The following COX7B2 variants were observed in gnomAD, a reference collection of about 807,000 sequenced individuals.
The protein encoded by COX7B2 is cytochrome c oxidase subunit 7B2, mitochondrial.
For synonymous variants in COX7B2, 37 were observed against 32.1 expected, an observed-to-expected ratio of 1.15 and a Z score of -0.51; for missense variants, 109 against 95.9, an observed-to-expected ratio of 1.14 and a Z score of -0.57.
At chr4:46,908,844 A>AT (rs1720567994) in intron 1 of COX7B2, among the ~76,000 whole-genome samples, 1 of 151,892 alleles carries the variant, frequency 6.6e-6, no homozygotes, top group South Asian at 2.1e-4. Flanking sequence ...GATCGAGACC[A>AT]TCCTGGCTAA....
At chr4:46,815,117 T>G (rs1719482965) in intron 2 of COX7B2, among the ~76,000 whole-genome samples, 1 of 143,804 alleles carries the variant, frequency 7.0e-6, no homozygotes, top group Non-Finnish European at 1.5e-5. Flanking sequence ...GCCCGGGAGG[T>G]GGAGGTTGCA....
intron 1 of COX7B2, among the ~76,000 whole-genome samples, chr4:46,881,572 G>A (rs1718744282): frequency 6.6e-6 from 1 of 151,882 alleles, no homozygotes; most frequent in South Asian, 2.1e-4. Context: ...AGACCAGCCT[G>A]GCCAACATGG....
intron 1 of COX7B2, among the ~76,000 whole-genome samples, chr4:46,886,927 G>C (rs974834019): frequency 6.6e-6 from 1 of 152,224 alleles, no homozygotes; most frequent in African/African-American, 2.4e-5. Context: ...CTACTGGACA[G>C]ACTGTTAATT....
intron 1 of COX7B2, among the ~76,000 whole-genome samples, chr4:46,882,260 G>C (rs1240996588): frequency 6.6e-6 from 1 of 152,174 alleles, no homozygotes; most frequent in Non-Finnish European, 1.5e-5. Context: ...CGAGAAGAAT[G>C]TGTATTCTGT....
chr4:46,863,354 A>G (rs1449491364), intron 1 of COX7B2, among the ~76,000 whole-genome samples: 1 of 152,188 alleles, frequency 6.6e-6, no homozygotes, highest in Admixed American at 6.5e-5. Flanking sequence ...ATAGTACAGG[A>G]CAAGTCGGAA....
At chr4:46,735,826 A>C (rs2109384394) in intron 2 of COX7B2, among the ~76,000 whole-genome samples, 1 of 152,220 alleles carries the variant, frequency 6.6e-6, no homozygotes, top group South Asian at 2.1e-4. Flanking sequence ...TTTTTTCATA[A>C]CACTTAACAT....
chr4:46,839,393 C>T (rs1022835029), intron 2 of COX7B2, among the ~76,000 whole-genome samples: 2 of 152,006 alleles, frequency 1.3e-5, no homozygotes, highest in African/African-American at 4.8e-5. Flanking sequence ...CCCAGCCCCT[C>T]CTTCTCCACA....
chr4:46,889,176 A>T (rs751265835), intron 1 of COX7B2, among the ~76,000 whole-genome samples: 1 of 152,224 alleles, frequency 6.6e-6, no homozygotes, highest in African/African-American at 2.4e-5. Context: ...AGAAAAATCC[A>T]TTTGATAGAA....
intron 2 of COX7B2, among the ~76,000 whole-genome samples, chr4:46,759,957 A>G (rs897221052): frequency 2.0e-5 from 3 of 151,536 alleles, no homozygotes; most frequent in Non-Finnish European, 4.4e-5. Context: ...GTCTTATATA[A>G]GTTATATACG....
intron 2 of COX7B2, among the ~76,000 whole-genome samples, chr4:46,778,312 G>A (rs930047083): frequency 6.6e-6 from 1 of 152,032 alleles, no homozygotes; most frequent in Non-Finnish European, 1.5e-5. Flanking sequence ...TATTACACAA[G>A]TGTCTCCTAT....
intron 2 of COX7B2, among the ~76,000 whole-genome samples, chr4:46,810,221 T>C (rs1016615945): frequency 1.3e-5 from 2 of 152,008 alleles, no homozygotes; most frequent in Non-Finnish European, 2.9e-5. Context: ...TGGATCAAAT[T>C]ATCCAATCAA....
At chr4:46,802,790 C>G (rs1028776075) in intron 2 of COX7B2, among the ~76,000 whole-genome samples, 10 of 152,230 alleles carry the variant, frequency 6.6e-5, no homozygotes, top group African/African-American at 2.4e-4. Flanking sequence ...GAATGTGGAA[C>G]TTGCTTAAAT....
At chr4:46,795,895 C>T (rs1471220020) in intron 2 of COX7B2, among the ~76,000 whole-genome samples, 95 of 24,996 alleles carry the variant, frequency 3.8e-3, no homozygotes, top group Admixed American at 7.3e-3. Flanking sequence ...GTTTGTAGTT[C>T]TCCTTGAAGA....
chr4:46,836,702 T>C (rs1195747555), intron 2 of COX7B2, among the ~76,000 whole-genome samples: 1 of 152,146 alleles, frequency 6.6e-6, no homozygotes, highest in Admixed American at 6.6e-5. Flanking sequence ...GAACTGTATA[T>C]AATGGTATGT....
At chr4:46,791,295 C>T (rs1718035312) in intron 2 of COX7B2, among the ~76,000 whole-genome samples, 1 of 152,052 alleles carries the variant, frequency 6.6e-6, no homozygotes, top group Non-Finnish European at 1.5e-5. Context: ...AGGCGTGAGC[C>T]ACCGTGCCCA....
chr4:46,847,996 G>T (rs1202939515), intron 1 of COX7B2, among the ~76,000 whole-genome samples: 2 of 151,930 alleles, frequency 1.3e-5, no homozygotes, highest in African/African-American at 4.8e-5. Context: ...TGTTCTTTTT[G>T]TTCTAGGTGC....
At chr4:46,759,865 G>A (rs533775622) in intron 2 of COX7B2, among the ~76,000 whole-genome samples, 1 of 148,950 alleles carries the variant, frequency 6.7e-6, no homozygotes, top group South Asian at 2.1e-4. Flanking sequence ...TCTTATATAA[G>A]TTATATAAGT....
At chr4:46,902,356 A>C (rs1720116521) in intron 1 of COX7B2, among the ~76,000 whole-genome samples, 1 of 152,240 alleles carries the variant, frequency 6.6e-6, no homozygotes, top group Non-Finnish European at 1.5e-5. Flanking sequence ...TCCACATAAA[A>C]GGAAACATCA....
At chr4:46,855,050 AGGTG>A (rs1716922381) in intron 1 of COX7B2, among the ~76,000 whole-genome samples, 1 of 152,152 alleles carries the variant, frequency 6.6e-6, no homozygotes, top group Non-Finnish European at 1.5e-5. Context: ...TTATTAGGCC[AGGTG>A]CGGTGCCTCA....
Sources: allele counts gnomAD v4.1 joint callset (sites outside exome capture counted in the v4.1 genomes callset), GRCh38; gene constraint gnomAD v4.1.1; transcripts MANE v1.5; gene names NCBI Gene and HGNC (gene_info 2026-07-23, HGNC 2026-07-21).